NXPH1: variants seen among roughly 807,000 people sequenced by gnomAD.
The protein encoded by NXPH1 is neurexophilin 1, also known as neurexophilin-1.
NXPH1 carries 5 observed loss-of-function variants against 23.7 expected under a neutral mutation model. That is an observed-to-expected ratio of 0.21 (90% CI 0.11 to 0.44). The LOEUF is 0.44. Among genes scored for constraint, NXPH1 ranks in the 20% least tolerant of loss-of-function variants. NXPH1 has a pLI of 0.99. For missense variants in NXPH1, 324 were observed against 321.6 expected, an observed-to-expected ratio of 1.01 and a Z score of -0.06; for synonymous variants, 144 against 122.2, an observed-to-expected ratio of 1.18 and a Z score of -1.18.
intron 2 of NXPH1, among the ~76,000 whole-genome samples, chr7:8,634,061 C>T (rs761380304): frequency 2.0e-5 from 3 of 152,024 alleles, no homozygotes; most frequent in Non-Finnish European, 1.5e-5. Context: ...AGGCTGAAAT[C>T]GAATCTGTCT....
intron 2 of NXPH1, among the ~76,000 whole-genome samples, chr7:8,612,319 T>A (rs1377391499): frequency 6.6e-6 from 1 of 151,692 alleles, no homozygotes. Flanking sequence ...AGTGATATAA[T>A]CAAGCAGCTC....
chr7:8,689,580 G>T (rs1821196633), intron 2 of NXPH1, among the ~76,000 whole-genome samples: 1 of 152,158 alleles, frequency 6.6e-6, no homozygotes, highest in Non-Finnish European at 1.5e-5. Flanking sequence ...TGGAACGGAG[G>T]CCTTTGGTAG....
At chr7:8,557,903 T>A (rs1468762894) in intron 2 of NXPH1, among the ~76,000 whole-genome samples, 2 of 151,706 alleles carry the variant, frequency 1.3e-5, no homozygotes, top group African/African-American at 4.8e-5. Flanking sequence ...AATTGCTTCT[T>A]TACTTTCTGA....
chr7:8,560,096 T>G (rs1818416108), intron 2 of NXPH1, among the ~76,000 whole-genome samples: 1 of 151,718 alleles, frequency 6.6e-6, no homozygotes, highest in African/African-American at 2.4e-5. Context: ...AGAATTCTAC[T>G]TGAAAGATTA....
intron 2 of NXPH1, among the ~76,000 whole-genome samples, chr7:8,459,982 G>A (rs922330922): frequency 6.6e-6 from 1 of 152,184 alleles, no homozygotes; most frequent in Non-Finnish European, 1.5e-5. Flanking sequence ...AATTGAATAA[G>A]TGACTTTCTG....
chr7:8,556,524 T>C (rs1818360842), intron 2 of NXPH1, among the ~76,000 whole-genome samples: 2 of 151,672 alleles, frequency 1.3e-5, no homozygotes, highest in African/African-American at 4.8e-5. Context: ...TACAGAGTGA[T>C]CAATGAGTTC....
intron 2 of NXPH1, among the ~76,000 whole-genome samples, chr7:8,637,223 C>T (rs1820230384): frequency 6.8e-6 from 1 of 147,612 alleles, no homozygotes; most frequent in Admixed American, 6.9e-5. Flanking sequence ...CTGGGACTGA[C>T]TCTTTTTTTT....
chr7:8,492,973 T>A (rs1004812278), intron 2 of NXPH1, among the ~76,000 whole-genome samples: 14 of 152,082 alleles, frequency 9.2e-5, no homozygotes, highest in Admixed American at 7.2e-4. Flanking sequence ...TAAAATGTAA[T>A]CTATTAGAGT....
chr7:8,522,113 T>G (rs572556300), intron 2 of NXPH1, among the ~76,000 whole-genome samples: 1 of 152,234 alleles, frequency 6.6e-6, no homozygotes, highest in East Asian at 1.9e-4. Flanking sequence ...TTTCAAAATT[T>G]AGGACTACAA....
Position 8,664,372 on chromosome 7 carries a change from C to T in NXPH1, c.55-86636C>T, listed in dbSNP as rs192001131. On this transcript the variant is annotated intron_variant, in intron 2 of 2. Transcript: ENST00000405863. ...GCACACTTCACATGTGCCTCAACTG[C>T]TCACTACCTAACCTCTTACAGTTGG... 1.0e-3 allele frequency among the ~76,000 whole-genome samples: 154 copies of T among 152,228 alleles called. 1 individual carries two copies. Among genetic ancestry groups the T allele is most frequent in the African/African-American group, 3.6e-3 (148 of 41,564 alleles).
intron 2 of NXPH1, among the ~76,000 whole-genome samples, chr7:8,520,683 T>C (rs189428883): frequency 8.7e-4 from 115 of 132,760 alleles, no homozygotes; most frequent in African/African-American, 3.2e-3. Flanking sequence ...AACTTAACCT[T>C]TTCAGTGTCA....
intron 2 of NXPH1, among the ~76,000 whole-genome samples, chr7:8,462,124 C>G (rs750987401): frequency 6.6e-6 from 1 of 152,144 alleles, no homozygotes; most frequent in Non-Finnish European, 1.5e-5. Flanking sequence ...TCTCGGCTCA[C>G]AGCAACCCCT....
intron 2 of NXPH1, among the ~76,000 whole-genome samples, chr7:8,633,170 C>G (rs990505151): frequency 1.3e-5 from 2 of 152,184 alleles, no homozygotes; most frequent in African/African-American, 4.8e-5. Flanking sequence ...TGGTGGCTCA[C>G]GCCTGTAATC....
rs575421806 is a variant in NXPH1 at position 8,528,131 on chromosome 7, G to C, written c.54+92364G>C. 3.3e-5 allele frequency among the ~76,000 whole-genome samples: 5 copies of C among 152,354 alleles called. No homozygotes were observed. The South Asian group carries it at 1.0e-3, about 32-fold the overall frequency. On this transcript the variant is annotated intron_variant, in intron 2 of 2. Coordinates refer to ENST00000405863, the MANE Select transcript of NXPH1 (RefSeq NM_152745.3). ...GTGGAAGTGGGGAGAGAGGAGTGGG[G>C]AAGTGGTTTCATTTACAGAAAACAG...
chr7:8,455,725 C>T (rs1816583193), intron 2 of NXPH1, among the ~76,000 whole-genome samples: 5 of 152,194 alleles, frequency 3.3e-5, no homozygotes. Flanking sequence ...TTATCAGCAT[C>T]CTCTCTTCGT....
intron 2 of NXPH1, among the ~76,000 whole-genome samples, chr7:8,594,269 G>A (rs1310253107): frequency 6.6e-6 from 1 of 152,044 alleles, no homozygotes; most frequent in Non-Finnish European, 1.5e-5. Flanking sequence ...GCAGGAAGAG[G>A]AAGTGTTTTG....
At chr7:8,574,037 G>T (rs555994090) in intron 2 of NXPH1, among the ~76,000 whole-genome samples, 4 of 152,158 alleles carry the variant, frequency 2.6e-5, no homozygotes, top group Non-Finnish European at 5.9e-5. Context: ...ATGTTCTTAG[G>T]ACCTTCTAGC....
chr7:8,435,687 C>G lies in NXPH1; in HGVS notation c.-27C>G, dbSNP rs1816181543. On this transcript the variant is annotated 5_prime_UTR_variant, in exon 2 of 3. Transcript: ENST00000405863. The surrounding 1 kb of genome is among the most constrained non-coding windows in gnomAD (Gnocchi z 5.9). ...AGGAACAAAGACTCAAAGAAGGCAC[C>G]GCCAAGGAAGTTTGAGACGCGGGAG... The G allele has an allele frequency of 1.2e-6, 2 of 1,612,146 alleles. No homozygotes were observed. Among genetic ancestry groups the G allele is most frequent in the Non-Finnish European group, 1.7e-6 (2 of 1,178,248 alleles).
At chr7:8,711,219 T>C (rs558142476) in intron 2 of NXPH1, among the ~76,000 whole-genome samples, 2 of 152,312 alleles carry the variant, frequency 1.3e-5, no homozygotes, top group South Asian at 2.1e-4. Context: ...GACATACTTA[T>C]TTTTTGACCC....
Sources: gnomAD v4.1 joint callset for allele counts (sites outside exome capture counted in the v4.1 genomes callset) on GRCh38, gnomAD v4.1.1 for gene constraint, Gnocchi (gnomAD v3.1) non-coding constraint, MANE v1.5 for transcripts, NCBI Gene and HGNC (gene_info 2026-07-23, HGNC 2026-07-21) for gene names.